Variants in MAP3K5 observed in about 807,000 individuals in gnomAD.
MAP3K5 encodes mitogen-activated protein kinase kinase kinase 5.
Under a neutral mutation model 158.7 loss-of-function variants are expected in MAP3K5, and 56 were observed. That is an observed-to-expected ratio of 0.35 (90% CI 0.28 to 0.44). The LOEUF (loss-of-function observed/expected upper bound fraction) is 0.44. Among genes scored for constraint, MAP3K5 ranks in the 20% least tolerant of loss-of-function variants. The probability of loss-of-function intolerance (pLI) is 1.00; values close to 1 mark genes in which losing one functional copy is unlikely to be tolerated. For synonymous variants in MAP3K5, 579 were observed against 601.7 expected, an observed-to-expected ratio of 0.96 and a Z score of 0.55; for missense variants, 1,294 against 1,674.8, an observed-to-expected ratio of 0.77 and a Z score of 3.97.
intron 25 of MAP3K5, among the ~76,000 whole-genome samples, chr6:136,571,648 A>C (rs895509821): frequency 6.6e-6 from 1 of 152,160 alleles, no homozygotes; most frequent in African/African-American, 2.4e-5. Flanking sequence ...TTATCCATTC[A>C]TCTGTTGCTA....
At chr6:136,626,382 C>T (rs920881075) in intron 14 of MAP3K5, among the ~76,000 whole-genome samples, 2 of 152,100 alleles carry the variant, frequency 1.3e-5, no homozygotes, top group Non-Finnish European at 2.9e-5. Context: ...TAGAGAATAG[C>T]CCTGTTCTGG....
intron 14 of MAP3K5, among the ~76,000 whole-genome samples, chr6:136,628,424 A>T (rs1215003177): frequency 2.7e-5 from 4 of 150,512 alleles, no homozygotes; most frequent in African/African-American, 4.9e-5. Context: ...TTTTTTTTTT[A>T]AAGAGATGGA....
intron 1 of MAP3K5, among the ~76,000 whole-genome samples, chr6:136,783,295 CA>C (rs1410693810): frequency 2.7e-5 from 4 of 148,830 alleles, no homozygotes; most frequent in Non-Finnish European, 6.0e-5. Flanking sequence ...AAAAAACCCA[CA>C]ACTACACAAA....
intron 8 of MAP3K5, among the ~76,000 whole-genome samples, chr6:136,668,543 C>T (rs922728274): frequency 2.5e-4 from 38 of 152,044 alleles, no homozygotes; most frequent in African/African-American, 6.8e-4. Context: ...GAAAGGAGGT[C>T]GTTAGACACC....
intron 21 of MAP3K5, among the ~76,000 whole-genome samples, chr6:136,600,545 A>G (rs1443616407): frequency 6.6e-6 from 1 of 152,134 alleles, no homozygotes; most frequent in Non-Finnish European, 1.5e-5. Context: ...ATCTTCTTAG[A>G]GCAAATCTAC....
chr6:136,750,511 T>C (rs979721766), intron 1 of MAP3K5, among the ~76,000 whole-genome samples: 2 of 152,230 alleles, frequency 1.3e-5, no homozygotes. Context: ...AGCAGTTCTC[T>C]TCAACGATGA....
chr6:136,560,377 G>A (rs970771588), intron 28 of MAP3K5, among the ~76,000 whole-genome samples: 16 of 152,296 alleles, frequency 1.1e-4, no homozygotes, highest in Non-Finnish European at 2.1e-4. Flanking sequence ...CTACTTGAGA[G>A]GCTGAGGCAG....
At chr6:136,558,213 C>A (rs1257894620) in intron 29 of MAP3K5, among the ~76,000 whole-genome samples, 1 of 152,034 alleles carries the variant, frequency 6.6e-6, no homozygotes, top group African/African-American at 2.4e-5. Flanking sequence ...CCCGTCTCTA[C>A]TAAAAATACA....
At chr6:136,625,507 G>A (rs901116616) in intron 14 of MAP3K5, among the ~76,000 whole-genome samples, 11 of 152,206 alleles carry the variant, frequency 7.2e-5, no homozygotes, top group African/African-American at 2.7e-4. Context: ...AAGAAAGCTG[G>A]TTTGTCTCAA....
At chr6:136,606,354 A>C (rs1015991636) in intron 18 of MAP3K5, among the ~76,000 whole-genome samples, 1 of 152,220 alleles carries the variant, frequency 6.6e-6, no homozygotes. Flanking sequence ...CTGTCTCAAA[A>C]AAACAAACAA....
intron 1 of MAP3K5, among the ~76,000 whole-genome samples, chr6:136,758,912 C>A (rs1266475382): frequency 6.6e-6 from 1 of 152,240 alleles, no homozygotes; most frequent in East Asian, 1.9e-4. Context: ...GCGGCTCACG[C>A]CTGTAATCCC....
Position 136,613,386 on chromosome 6 carries a change from A to C in MAP3K5, c.2279-130T>G. ...CAGTGGCCCAGGAGCTATACTGGAT[A>C]TCGGGCTCAAACATGAATTTGCAAA... On this transcript the variant is annotated intron_variant, in intron 16 of 29. Transcript: ENST00000359015. This position sits in a 1 kb window ranked among gnomAD's most constrained non-coding sequence, Gnocchi z 4.0. 1.5e-6 allele frequency: 1 copy of C among 671,842 alleles called. No homozygotes were observed. Among genetic ancestry groups the C allele is most frequent in the South Asian group, 3.0e-5 (1 of 33,848 alleles). The allele number at this position is 671,842 out of a possible 1,614,324, so 41.6% of individuals were successfully genotyped here.
intron 23 of MAP3K5, among the ~76,000 whole-genome samples, chr6:136,586,448 T>C (rs1775144933): frequency 6.6e-6 from 1 of 152,256 alleles, no homozygotes; most frequent in African/African-American, 2.4e-5. Context: ...CTGGGAAATG[T>C]TTTCTGTTCA....
At chr6:136,760,589 C>G (rs1056107758) in intron 1 of MAP3K5, among the ~76,000 whole-genome samples, 2 of 152,144 alleles carry the variant, frequency 1.3e-5, no homozygotes, top group Non-Finnish European at 2.9e-5. Context: ...TCCTCACCCC[C>G]CAAGGTGATA....
At chr6:136,656,043 C>T (rs1324393332) in intron 10 of MAP3K5, 2 of 405,226 alleles carry the variant, frequency 4.9e-6, no homozygotes, top group East Asian at 5.2e-5. Context: ...CTTTGCATTG[C>T]TTAGGAAGTA....
At chr6:136,665,775 G>T (rs1284848667) in intron 8 of MAP3K5, among the ~76,000 whole-genome samples, 4 of 152,160 alleles carry the variant, frequency 2.6e-5, no homozygotes, top group South Asian at 4.1e-4. Flanking sequence ...TGACAAAGGA[G>T]TTTTTCAGTG....
At chr6:136,753,011 C>T (rs1335087688) in intron 1 of MAP3K5, among the ~76,000 whole-genome samples, 1 of 152,138 alleles carries the variant, frequency 6.6e-6, no homozygotes, top group African/African-American at 2.4e-5. Flanking sequence ...ATGCCCCACC[C>T]CCAAATTTAT....
At chr6:136,570,352 C>A (rs1245574391) in intron 25 of MAP3K5, among the ~76,000 whole-genome samples, 1 of 152,192 alleles carries the variant, frequency 6.6e-6, no homozygotes, top group Non-Finnish European at 1.5e-5. Flanking sequence ...TAAGCTGGAA[C>A]CTGGGATTCT....
In MAP3K5 at chr6:136,696,053, T is replaced by G; in HGVS notation, c.980A>C (p.Tyr327Ser). The change falls in exon 6 of 30, where the codon TAT becomes TCT. Residue 327 changes from tyrosine (Y) to serine (S), a missense_variant. Transcript: ENST00000359015. ...CTCTACCAGCTTCACAATAGAATCA[T>G]AGTCCTTTCAAATTAGATGAGAATA... is the stretch of plus-strand genomic sequence containing the variant. ...LLLSYRDIQD[Y>S]DSIVKLVETL... 1.3e-6 allele frequency: 2 copies of G among 1,590,328 alleles called. No individual in the cohort carries two copies.
Sources: allele counts gnomAD v4.1 joint callset (sites outside exome capture counted in the v4.1 genomes callset), GRCh38; gene constraint gnomAD v4.1.1; non-coding constraint Gnocchi (gnomAD v3.1); transcripts MANE v1.5; gene names NCBI Gene and HGNC (gene_info 2026-07-23, HGNC 2026-07-21).